Variants in IQGAP2 observed in about 807,000 individuals in gnomAD.
IQGAP2 encodes IQ motif containing GTPase activating protein 2, also known as ras GTPase-activating-like protein IQGAP2.
A neutral mutation model predicts 201.3 loss-of-function variants in IQGAP2; 173 were observed. That is an observed-to-expected ratio of 0.86 (90% CI 0.76 to 0.98). The LOEUF (loss-of-function observed/expected upper bound fraction) is 0.98, where lower values mean the gene tolerates loss of function less well. Ranked by LOEUF, IQGAP2 falls within the 50% of genes least tolerant of loss-of-function variation. The pLI, the probability that IQGAP2 is intolerant of heterozygous loss-of-function variation, is 0.00. For missense variants in IQGAP2, 1,687 were observed against 1,864.8 expected, an observed-to-expected ratio of 0.90 and a Z score of 1.76; for synonymous variants, 675 against 673.9, an observed-to-expected ratio of 1.00 and a Z score of -0.03.
At chr5:76,448,034 G>C (rs905086858) in intron 1 of IQGAP2, among the ~76,000 whole-genome samples, 46 of 152,118 alleles carry the variant, frequency 3.0e-4, no homozygotes, top group African/African-American at 1.1e-3. Context: ...GAAGCCTGGG[G>C]ATGTGTGGAG....
chr5:76,495,497 G>A (rs1296357577), intron 2 of IQGAP2, among the ~76,000 whole-genome samples: 1 of 152,210 alleles, frequency 6.6e-6, no homozygotes, highest in African/African-American at 2.4e-5. Flanking sequence ...CTGGGAAGGA[G>A]AAGGGTGTTT....
intron 1 of IQGAP2, chr5:76,404,458 A>G (rs762241269): frequency 4.1e-6 from 4 of 985,534 alleles, no homozygotes; most frequent in Non-Finnish European, 4.8e-6. Context: ...TGTCTCTCCA[A>G]GGTGGCCCTG....
intron 2 of IQGAP2, among the ~76,000 whole-genome samples, chr5:76,488,559 A>G (rs921453529): frequency 1.3e-5 from 2 of 152,216 alleles, no homozygotes; most frequent in Admixed American, 6.5e-5. Context: ...ATCTAAAAAC[A>G]TATCCATTTG....
chr5:76,686,931 G>C (rs543104693), intron 30 of IQGAP2, among the ~76,000 whole-genome samples: 43 of 152,278 alleles, frequency 2.8e-4, no homozygotes, highest in African/African-American at 1.0e-3. Context: ...ATACATGTAT[G>C]GCTTTATTTC....
chr5:76,496,700 G>GTCTC (rs202238938), intron 2 of IQGAP2, among the ~76,000 whole-genome samples: 6 of 70,622 alleles, frequency 8.5e-5, no homozygotes, highest in African/African-American at 2.7e-4. Context: ...CTTTCTTTCT[G>GTCTC]TCTCTTTCTT....
Position 76,589,727 on chromosome 5 carries a change from A to T in IQGAP2, c.639A>T (p.Ala213=), listed in dbSNP as rs776953956. The T allele has an allele frequency of 1.3e-5, 20 of 1,566,290 alleles. No homozygotes were observed. In the East Asian group the frequency reaches 4.4e-4, roughly 34 times the overall value. Residue 213 remains alanine (A), a splice_region_variant and synonymous_variant, in exon 7 of 36, where the codon GCA becomes GCT. Coordinates refer to ENST00000274364, the MANE Select transcript of IQGAP2 (RefSeq NM_006633.5). ...ATGAACTGTCCGTGGATGAAGCTGCATGTAAGTCCATTCAAAATCCAAACT... is the reference window on the plus strand; with the variant it reads ...ATGAACTGTCCGTGGATGAAGCTGCTTGTAAGTCCATTCAAAATCCAAACT... ...LANELSVDEA[A]LHAAVIAINE... is the part of the protein sequence containing the mutation.
chr5:76,560,004 T>C (rs1744249261), intron 2 of IQGAP2, among the ~76,000 whole-genome samples: 1 of 152,200 alleles, frequency 6.6e-6, no homozygotes, highest in South Asian at 2.1e-4. Flanking sequence ...CTTTTTTTGT[T>C]TTTCCAGTCC....
At chr5:76,642,566 C>T (rs927056118) in intron 17 of IQGAP2, among the ~76,000 whole-genome samples, 4 of 152,140 alleles carry the variant, frequency 2.6e-5, no homozygotes, top group African/African-American at 9.7e-5. Context: ...TAATAGGAAC[C>T]TGCTGACCCA....
intron 27 of IQGAP2, among the ~76,000 whole-genome samples, chr5:76,675,455 T>G (rs545834367): frequency 6.6e-5 from 10 of 152,358 alleles, no homozygotes; most frequent in African/African-American, 2.2e-4. Flanking sequence ...TTCTGTTCTA[T>G]TCTCAAGCCT....
chr5:76,637,295 T>G, intron 16 of IQGAP2, 119 bp downstream of exon 16: 1 of 778,778 alleles, frequency 1.3e-6, no homozygotes, highest in Non-Finnish European at 2.0e-6. Context: ...AGTCTGGATA[T>G]GTAATAAAGT....
chr5:76,586,513 A>C (rs190054317), intron 5 of IQGAP2, among the ~76,000 whole-genome samples: 1 of 152,138 alleles, frequency 6.6e-6, no homozygotes, highest in Non-Finnish European at 1.5e-5. Flanking sequence ...AAAAATATTT[A>C]CCCTCCCAAC....
intron 2 of IQGAP2, among the ~76,000 whole-genome samples, chr5:76,546,841 C>T (rs568076271): frequency 1.9e-4 from 29 of 152,224 alleles, no homozygotes; most frequent in Admixed American, 2.6e-4. Context: ...TAAAAAGTGG[C>T]CTACTGCTTA....
chr5:76,552,615 A>G (rs1450752029), intron 2 of IQGAP2, among the ~76,000 whole-genome samples: 2 of 152,198 alleles, frequency 1.3e-5, no homozygotes, highest in Non-Finnish European at 2.9e-5. Flanking sequence ...GCAATTCAGC[A>G]ATGTTCTTGG....
chr5:76,472,711 T>A (rs1308932865), intron 2 of IQGAP2, among the ~76,000 whole-genome samples: 1 of 152,220 alleles, frequency 6.6e-6, no homozygotes, highest in Admixed American at 6.5e-5. Context: ...TTCTGACAGA[T>A]GAAAGTATAA....
chr5:76,647,661 G>A (rs985745343), intron 17 of IQGAP2, among the ~76,000 whole-genome samples: 3 of 152,084 alleles, frequency 2.0e-5, no homozygotes, highest in African/African-American at 7.2e-5. Context: ...CATTAAACCT[G>A]TTTTTCTTCC....
At chr5:76,665,268 T>TA in intron 22 of IQGAP2, 93 bp downstream of exon 22, 1 of 1,061,852 alleles carries the variant, frequency 9.4e-7, no homozygotes, top group Non-Finnish European at 1.4e-6. Context: ...GCTTCAGCTA[T>TA]AATAGCATAC....
chr5:76,537,885 A>G (rs1759717647), intron 2 of IQGAP2, among the ~76,000 whole-genome samples: 1 of 152,114 alleles, frequency 6.6e-6, no homozygotes, highest in African/African-American at 2.4e-5. Context: ...AGATTAAGTA[A>G]CCTCTGTAAT....
chr5:76,478,654 G>A (rs1457879759), intron 2 of IQGAP2, among the ~76,000 whole-genome samples: 1 of 152,160 alleles, frequency 6.6e-6, no homozygotes, highest in Non-Finnish European at 1.5e-5. Flanking sequence ...ATACCACCAT[G>A]CTACAACTGC....
At chr5:76,434,011 G>T (rs35997496) in intron 1 of IQGAP2, among the ~76,000 whole-genome samples, 38,774 of 151,900 alleles carry the variant, frequency 0.26, 6,552 homozygotes, top group Non-Finnish European at 0.36. Context: ...AGAGTTTTTC[G>T]TTACTTTCTT....
Sources: allele counts gnomAD v4.1 joint callset (sites outside exome capture counted in the v4.1 genomes callset), GRCh38; gene constraint gnomAD v4.1.1; transcripts MANE v1.5; gene names NCBI Gene and HGNC (gene_info 2026-07-23, HGNC 2026-07-21).